Variants in IFT52 observed in about 807,000 individuals in gnomAD.
IFT52 encodes the protein intraflagellar transport 52, also known as intraflagellar transport protein 52 homolog.
Under a neutral mutation model 54.4 loss-of-function variants are expected in IFT52, and 44 were observed. The observed-to-expected ratio is 0.81, with a 90% CI of 0.63 to 1.04. The LOEUF (loss-of-function observed/expected upper bound fraction) is 1.04, where lower values mean the gene tolerates loss of function less well. IFT52 is among the 50% of genes least tolerant of loss of function. IFT52 has a pLI of 0.00. For missense variants in IFT52, 452 were observed against 523.6 expected, an observed-to-expected ratio of 0.86 and a Z score of 1.33; for synonymous variants, 181 against 185.3, an observed-to-expected ratio of 0.98 and a Z score of 0.19.
At position 43,622,761 on chromosome 20, in the gene IFT52, A is replaced by G. The variant is rs748571487; in HGVS notation, c.769-1130A>G. On this transcript the variant is annotated intron_variant, in intron 9 of 13. Transcript: ENST00000373030. ...CATATTTTTATGTAAATATAAATAT[A>G]TACAAATTGTGTGTAAATATAAATA... is the stretch of plus-strand genomic sequence containing the variant. 2.2e-3 allele frequency among the ~76,000 whole-genome samples: 124 copies of G among 55,178 alleles called. 5 individuals are homozygous for G. Among genetic ancestry groups the G allele is most frequent in the Non-Finnish European group, 3.6e-3 (105 of 28,852 alleles). 36.2% of individuals were successfully genotyped at this position (55,178 alleles called of 152,430 possible). A position where few individuals can be genotyped will look rare whatever the true frequency, so the allele number is the denominator to read the frequency against.
At chr20:43,595,107 G>A (rs1208839206) in intron 2 of IFT52, among the ~76,000 whole-genome samples, 2 of 151,548 alleles carry the variant, frequency 1.3e-5, no homozygotes, top group African/African-American at 4.9e-5. Flanking sequence ...TGAGGTCATG[G>A]GTTCGAGACA....
At chr20:43,591,324 C>T (rs891434493) in intron 1 of IFT52, among the ~76,000 whole-genome samples, 27 of 152,244 alleles carry the variant, frequency 1.8e-4, no homozygotes, top group Admixed American at 1.4e-3. Flanking sequence ...CTTAATCTCT[C>T]TTCTGTCGTG....
At chr20:43,594,487 G>C (rs188372382) in intron 1 of IFT52, among the ~76,000 whole-genome samples, 4 of 152,246 alleles carry the variant, frequency 2.6e-5, no homozygotes, top group Admixed American at 1.3e-4. Flanking sequence ...GCGGGTAGGG[G>C]AGGGCTGGGT....
chr20:43,604,076 A>G (rs557907734), intron 4 of IFT52, 107 bp from the exon 5 acceptor site: 1 of 1,021,136 alleles, frequency 9.8e-7, no homozygotes, highest in African/African-American at 1.6e-5. Flanking sequence ...AGCGAGATGG[A>G]TTGGAACCAA....
At chr20:43,604,931 T>C in intron 5 of IFT52, 71 bp from the exon 6 acceptor site, 1 of 1,493,034 alleles carries the variant, frequency 6.7e-7, no homozygotes, top group Non-Finnish European at 9.2e-7. Context: ...TCATACTTGC[T>C]GTACTAATGA....
chr20:43,633,697 G>T lies in IFT52; in HGVS notation c.924-2229G>T, dbSNP rs148900848. On this transcript the variant is annotated intron_variant, in intron 10 of 13. Coordinates refer to ENST00000373030, the MANE Select transcript of IFT52 (RefSeq NM_016004.5). ...CACTCCAGCCTGGGCGACAGAGTGAGACTCTGTCTCAAAAAAATAAATAAA... is the reference window on the plus strand; with the variant it reads ...CACTCCAGCCTGGGCGACAGAGTGATACTCTGTCTCAAAAAAATAAATAAA... Among the ~76,000 whole-genome samples, 335 of 151,584 alleles carry T rather than the reference G, an allele frequency of 2.2e-3. 2 individuals carry two copies. The highest frequency in any genetic ancestry group is 7.9e-3 in the African/African-American group (325 of 41,302).
chr20:43,600,940 TG>T (rs1982394455), intron 3 of IFT52, among the ~76,000 whole-genome samples: 1 of 152,100 alleles, frequency 6.6e-6, no homozygotes, highest in Admixed American at 6.6e-5. Flanking sequence ...CACTGCAGCA[TG>T]GGTGACAGAG....
At chr20:43,625,419 A>G (rs1307858592) in intron 10 of IFT52, among the ~76,000 whole-genome samples, 2 of 152,130 alleles carry the variant, frequency 1.3e-5, no homozygotes, top group African/African-American at 4.8e-5. Flanking sequence ...GAGGCAGGAG[A>G]ATCGTTTGAA....
rs1473922528 is a variant in IFT52, at chr20:43,645,623, T to G, written c.1267-1313T>G. Among the ~76,000 whole-genome samples, 2 of 56,382 alleles carry G rather than the reference T, an allele frequency of 3.5e-5. 1 individual carries two copies. The highest frequency in any genetic ancestry group is 8.4e-5 in the Non-Finnish European group (2 of 23,914). 37.0% of individuals were successfully genotyped at this position (56,382 alleles called of 152,430 possible). On this transcript the variant is annotated intron_variant, in intron 13 of 13. Coordinates refer to ENST00000373030, the MANE Select transcript of IFT52 (RefSeq NM_016004.5). ...GGCTCACGCTTGCAATCCCAGCACTTTGGGGGGCCAAGGTAGGTGAATCAT... is the reference window on the plus strand; with the variant it reads ...GGCTCACGCTTGCAATCCCAGCACTGTGGGGGGCCAAGGTAGGTGAATCAT...
At chr20:43,595,308 C>T (rs1344702428) in intron 2 of IFT52, among the ~76,000 whole-genome samples, 2 of 106,648 alleles carry the variant, frequency 1.9e-5, no homozygotes, top group Admixed American at 1.2e-4. Flanking sequence ...CAGAGTGAGA[C>T]TCCGTCTCAA....
chr20:43,637,175 C>T lies in IFT52; in HGVS notation c.1042C>T (p.Pro348Ser), dbSNP rs748154968. 8.7e-6 allele frequency: 14 copies of T among 1,612,652 alleles called. No homozygotes were observed. The Middle Eastern group carries it at 1.3e-3, about 152-fold the overall frequency. ...TCCTCCCAGTTTCCGGGAGTTACCACCTCCTCCTCTGGAGCTATTTGATTT... is the reference window on the plus strand; with the variant it reads ...TCCTCCCAGTTTCCGGGAGTTACCATCTCCTCCTCTGGAGCTATTTGATTT... ...VFPPSFRELP[P>S]PPLELFDLDE... The change falls in exon 12 of 14, where the codon CCT (proline) becomes TCT (serine). Residue 348 changes from proline (P) to serine (S), a missense_variant. Pro to Ser is a moderately conservative substitution (Grantham distance 74). Transcript: ENST00000373030.
At chr20:43,620,512 C>T (rs527901341) in intron 8 of IFT52, among the ~76,000 whole-genome samples, 19 of 152,188 alleles carry the variant, frequency 1.2e-4, no homozygotes, top group Non-Finnish European at 2.5e-4. Context: ...AAAAATCAAC[C>T]AGGCCTGGTG....
At position 43,623,997 on chromosome 20, in the gene IFT52, A is replaced by G; in HGVS notation, c.875A>G (p.Asp292Gly). 6.2e-7 allele frequency: 1 copy of G among 1,614,084 alleles called. No homozygotes were observed. The highest frequency in any genetic ancestry group is 8.5e-7 in the Non-Finnish European group (1 of 1,180,026). ...EIPRDFTTLFDLSIFQLDTTS... is the reference protein window; with the variant it reads ...EIPRDFTTLFGLSIFQLDTTS... ...CCAAGGGACTTTACCACCCTCTTCGACCTGTCCATCTTCCAGCTGGATACC... is the reference window on the plus strand; with the variant it reads ...CCAAGGGACTTTACCACCCTCTTCGGCCTGTCCATCTTCCAGCTGGATACC... The change falls in exon 10 of 14, where the codon GAC becomes GGC. Residue 292 changes from aspartate (D) to glycine (G), a missense_variant. Asp to Gly is a moderately conservative substitution (Grantham distance 94). Transcript: ENST00000373030.
rs562182035 is a variant in IFT52 at position 43,631,693 on chromosome 20, G to A, written c.924-4233G>A. On this transcript the variant is annotated intron_variant, in intron 10 of 13. Transcript: ENST00000373030. ...GAAAAATAATGCAGGGGTAAGATGA[G>A]CTCAGCTCTGTAGGCTCGCTCCTAA... Among the ~76,000 whole-genome samples the A allele has an allele frequency of 3.3e-5, 5 of 152,312 alleles. No individual in the cohort carries two copies. In the East Asian group the frequency reaches 9.7e-4, roughly 29 times the overall value.
chr20:43,605,084 T>C lies in IFT52; in HGVS notation c.485+11T>C. On this transcript the variant is annotated intron_variant, in intron 6 of 13. Coordinates refer to ENST00000373030, the MANE Select transcript of IFT52 (RefSeq NM_016004.5). ...TGGAAACAATGCCCAGTGAGTGTGT[T>C]TTCTGATGCCACATGAGGAAGATGT... 1 of 1,612,806 alleles carries C rather than the reference T, an allele frequency of 6.2e-7. No homozygotes were observed. Among genetic ancestry groups the C allele is most frequent in the Non-Finnish European group, 8.5e-7 (1 of 1,179,626 alleles).
intron 10 of IFT52, among the ~76,000 whole-genome samples, chr20:43,628,351 T>G (rs1984900899): frequency 6.6e-6 from 1 of 152,030 alleles, no homozygotes; most frequent in African/African-American, 2.4e-5. Context: ...CTGGCTACAG[T>G]GGTTTTGTGG....
In IFT52 at chr20:43,623,541, A is replaced by G. The variant is rs534713410; in HGVS notation, c.769-350A>G. Among the ~76,000 whole-genome samples the G allele has an allele frequency of 1.1e-4, 17 of 152,320 alleles. No homozygotes were observed. The East Asian group carries it at 2.7e-3, about 24-fold the overall frequency. On this transcript the variant is annotated intron_variant, in intron 9 of 13. Coordinates refer to ENST00000373030, the MANE Select transcript of IFT52 (RefSeq NM_016004.5). Reference sequence around the variant, plus strand: ...GAATTATTGTCTAGAAGAATGGGAAAGTGAGTAGACTACGGAGATGTAGTT... The same window carrying G: ...GAATTATTGTCTAGAAGAATGGGAAGGTGAGTAGACTACGGAGATGTAGTT...
intron 8 of IFT52, among the ~76,000 whole-genome samples, chr20:43,620,619 G>A (rs1317544375): frequency 2.0e-5 from 3 of 152,152 alleles, no homozygotes; most frequent in South Asian, 4.2e-4. Flanking sequence ...TTGCGCCACC[G>A]CACTCTAACC....
rs948783639 is a variant in IFT52, at chr20:43,596,374, A to C, written c.120-61A>C. ...GCTTCCAAATAGTTAAGAGACTAAA[A>C]TAATACATAAATTGGTTTAAATTAT... On this transcript the variant is annotated intron_variant, in intron 2 of 13. Coordinates refer to ENST00000373030, the MANE Select transcript of IFT52 (RefSeq NM_016004.5). The C allele has an allele frequency of 3.6e-6, 4 of 1,101,722 alleles. No homozygotes were observed. The African/African-American group carries it at 6.2e-5, about 17-fold the overall frequency. The allele number at this position is 1,101,722 out of a possible 1,614,324, so 68.2% of individuals were successfully genotyped here.
Sources: allele counts gnomAD v4.1 joint callset (sites outside exome capture counted in the v4.1 genomes callset), GRCh38; gene constraint gnomAD v4.1.1; transcripts MANE v1.5; gene names NCBI Gene and HGNC (gene_info 2026-07-23, HGNC 2026-07-21).